RBM20: variants seen among roughly 807,000 people sequenced by gnomAD.
RBM20 encodes the protein RNA binding motif protein 20.
A neutral mutation model predicts 110.1 loss-of-function variants in RBM20; 51 were observed. The ratio of observed to expected loss-of-function variants is 0.46; its 90% CI spans 0.37 to 0.59. The LOEUF (loss-of-function observed/expected upper bound fraction) is 0.59, where lower values mean the gene tolerates loss of function less well. Ranked by LOEUF, RBM20 falls within the 20% of genes least tolerant of loss-of-function variation. The pLI, the probability that RBM20 is intolerant of heterozygous loss-of-function variation, is 0.00. For missense variants in RBM20, 1,512 were observed against 1,574.9 expected (o/e 0.96, Z 0.68); for synonymous variants, 589 against 618.2 (o/e 0.95, Z 0.70).
At chr10:110,771,214 TG>T (rs1233396104) in intron 1 of RBM20, among the ~76,000 whole-genome samples, 2 of 151,946 alleles carry the variant, frequency 1.3e-5, no homozygotes, top group African/African-American at 4.8e-5. Flanking sequence ...TGGAGTGCAG[TG>T]GTGTGATCTC....
At chr10:110,733,576 T>C (rs551507763) in intron 1 of RBM20, among the ~76,000 whole-genome samples, 1 of 152,370 alleles carries the variant, frequency 6.6e-6, no homozygotes, top group African/African-American at 2.4e-5. Context: ...GTACCCTGAT[T>C]GAGGTCATGG....
At chr10:110,825,424 A>G (rs1024335616) in intron 12 of RBM20, among the ~76,000 whole-genome samples, 2 of 152,214 alleles carry the variant, frequency 1.3e-5, no homozygotes, top group African/African-American at 4.8e-5. Context: ...TTATTGTAAC[A>G]AATTCAAAAA....
At chr10:110,760,231 C>T (rs775300047) in intron 1 of RBM20, among the ~76,000 whole-genome samples, 6 of 152,120 alleles carry the variant, frequency 3.9e-5, no homozygotes, top group Non-Finnish European at 7.4e-5. Flanking sequence ...CATGTGTAAA[C>T]GTGGCAGTGC....
intron 1 of RBM20, among the ~76,000 whole-genome samples, chr10:110,667,390 G>T (rs968878204): frequency 1.4e-4 from 21 of 152,266 alleles, no homozygotes; most frequent in African/African-American, 4.3e-4. Context: ...GAGGCTCAGT[G>T]CTCTAAGGAT....
intron 1 of RBM20, among the ~76,000 whole-genome samples, chr10:110,735,025 A>G (rs1843656762): frequency 6.6e-6 from 1 of 152,124 alleles, no homozygotes; most frequent in African/African-American, 2.4e-5. Flanking sequence ...CCATCCTAGC[A>G]TCACTTAGGA....
intron 1 of RBM20, among the ~76,000 whole-genome samples, chr10:110,661,738 G>T (rs1408501210): frequency 1.3e-5 from 2 of 152,096 alleles, no homozygotes; most frequent in Admixed American, 6.5e-5. Context: ...GGCCAGGCAC[G>T]GTGGCTCACA....
At chr10:110,806,520 G>A (rs1192478587) in intron 7 of RBM20, among the ~76,000 whole-genome samples, 1 of 152,096 alleles carries the variant, frequency 6.6e-6, no homozygotes, top group African/African-American at 2.4e-5. Context: ...AGTAGTACTG[G>A]GGGATGGTGC....
At chr10:110,819,504 G>T (rs148928684) in intron 9 of RBM20, among the ~76,000 whole-genome samples, 1 of 152,188 alleles carries the variant, frequency 6.6e-6, no homozygotes. Context: ...ACAGACATGC[G>T]CACTACTGTG....
At chr10:110,743,198 A>G (rs1843740634) in intron 1 of RBM20, among the ~76,000 whole-genome samples, 2 of 152,044 alleles carry the variant, frequency 1.3e-5, no homozygotes, top group Non-Finnish European at 2.9e-5. Context: ...CCAACAATGG[A>G]AAAAAAAGGC....
rs984109502 is a variant in RBM20, at chr10:110,764,391, C to T, written c.192-16410C>T. On this transcript the variant is annotated intron_variant, in intron 1 of 13. Transcript: ENST00000369519. Reference sequence around the variant, plus strand: ...ATTAAAAATGGTCAGCGCGATCAGACCTAGATCCCTTCTTCTGAAGTGCTC... The same window carrying T: ...ATTAAAAATGGTCAGCGCGATCAGATCTAGATCCCTTCTTCTGAAGTGCTC... Among the ~76,000 whole-genome samples the T allele has an allele frequency of 1.3e-5, 2 of 152,228 alleles. 1 individual carries two copies. The highest frequency in any genetic ancestry group is 4.1e-4 in the South Asian group (2 of 4,834).
At chr10:110,669,129 G>A (rs1350868511) in intron 1 of RBM20, among the ~76,000 whole-genome samples, 2 of 152,092 alleles carry the variant, frequency 1.3e-5, no homozygotes, top group African/African-American at 2.4e-5. Context: ...TTCTGGAATA[G>A]CAGCAAAGCC....
chr10:110,727,399 C>CAAAAAAAAAAAAAAAAAAAAAAA (rs373594637), intron 1 of RBM20, among the ~76,000 whole-genome samples: 1 of 83,240 alleles, frequency 1.2e-5, no homozygotes, highest in Non-Finnish European at 2.3e-5. Context: ...AAGTCCGTCT[C>CAAAAAAAAAAAAAAAAAAAAAAA]AAAAAATAAA....
intron 5 of RBM20, among the ~76,000 whole-genome samples, chr10:110,795,276 A>G (rs1269623278): frequency 6.6e-6 from 1 of 152,230 alleles, no homozygotes; most frequent in Non-Finnish European, 1.5e-5. Context: ...GTTTCTGCAG[A>G]AGGGTTCAGT....
chr10:110,812,889 C>T lies in RBM20; in HGVS notation c.2492C>T (p.Thr831Ile). 6.8e-7 allele frequency: 1 copy of T among 1,465,316 alleles called. No homozygotes were observed. Among genetic ancestry groups the T allele is most frequent in the South Asian group, 1.5e-5 (1 of 68,044 alleles). The allele number at this position is 1,465,316 out of a possible 1,614,324, so 90.8% of individuals were successfully genotyped here. Reference protein sequence around the residue: ...KQNEKNKTKRTDRDQEGADDR... With the variant: ...KQNEKNKTKRIDRDQEGADDR... ...AATGAGAAAAATAAAACCAAGAGAA[C>T]TGATAGAGACCAAGAAGGAGCTGAT... Residue 831 changes from threonine (T) to isoleucine (I), a missense_variant, in exon 9 of 14, where the codon ACT (threonine) becomes ATT (isoleucine). By Grantham distance (89) the Thr-to-Ile change is moderately conservative. Around this residue, in one of 3 missense-constraint regions of RBM20, gnomAD observed 1,149 missense variants for 1,169.4 expected, o/e 0.98. Transcript: ENST00000369519.
At position 110,670,908 on chromosome 10, in the gene RBM20, G is replaced by GT. The variant is rs554554018; in HGVS notation, c.191+26264dup. On this transcript the variant is annotated intron_variant, in intron 1 of 13. Coordinates refer to ENST00000369519, the MANE Select transcript of RBM20 (RefSeq NM_001134363.3). ...TTTGGTCATGTGCATATATTTTAAA[G>GT]TATCACACATGGTTTTACATTCTAT... Among the ~76,000 whole-genome samples, 14 of 152,238 alleles carry GT rather than the reference G, an allele frequency of 9.2e-5. No individual in the cohort carries two copies. The East Asian group carries it at 2.7e-3, about 29-fold the overall frequency.
chr10:110,718,353 G>A (rs1044480787), intron 1 of RBM20, among the ~76,000 whole-genome samples: 2 of 152,140 alleles, frequency 1.3e-5, no homozygotes, highest in Non-Finnish European at 2.9e-5. Flanking sequence ...AGTACTCAGA[G>A]GAGGGCTCCA....
chr10:110,780,473 T>A (rs577015170), intron 1 of RBM20, among the ~76,000 whole-genome samples: 1 of 152,368 alleles, frequency 6.6e-6, no homozygotes, highest in African/African-American at 2.4e-5. Context: ...TCATTGACAT[T>A]GTGCCTATTC....
rs1449568256 is a variant in RBM20, at chr10:110,751,960, C to CCA, written c.192-28830_192-28829dup. Among the ~76,000 whole-genome samples, 5 of 151,900 alleles carry CCA rather than the reference C, an allele frequency of 3.3e-5. No individual in the cohort carries two copies. The South Asian group carries it at 6.2e-4, about 19-fold the overall frequency. On this transcript the variant is annotated intron_variant, in intron 1 of 13. Coordinates refer to ENST00000369519, the MANE Select transcript of RBM20 (RefSeq NM_001134363.3). ...AGAGATTTCCGATATACCCCCGCCTCCACACACACACAGCCTCCCCTATGG... is the reference window on the plus strand; with the variant it reads ...AGAGATTTCCGATATACCCCCGCCTCCACACACACACACAGCCTCCCCTATGG...
At chr10:110,698,008 C>T (rs1862693413) in intron 1 of RBM20, among the ~76,000 whole-genome samples, 1 of 151,802 alleles carries the variant, frequency 6.6e-6, no homozygotes, top group South Asian at 2.1e-4. Context: ...CCCGGCTTCA[C>T]GCCATTCTCC....
Sources: allele counts gnomAD v4.1 joint callset (sites outside exome capture counted in the v4.1 genomes callset), GRCh38; gene constraint gnomAD v4.1.1; regional missense constraint gnomAD v4.1.1; transcripts MANE v1.5; gene names NCBI Gene and HGNC (gene_info 2026-07-23, HGNC 2026-07-21).